LMO7: variants seen among roughly 807,000 people sequenced by gnomAD.
LMO7 encodes LIM domain only protein 7.
Under a neutral mutation model 206.5 loss-of-function variants are expected in LMO7, and 120 were observed. The ratio of observed to expected loss-of-function variants is 0.58; its 90% CI spans 0.50 to 0.68. LMO7 has a LOEUF of 0.68. Ranked by LOEUF, LMO7 falls within the 30% of genes least tolerant of loss-of-function variation. The pLI, the probability that LMO7 is intolerant of heterozygous loss-of-function variation, is 0.00. For synonymous variants in LMO7, 706 were observed against 681.5 expected (o/e 1.04, Z -0.56); for missense variants, 1,959 against 1,957.9 (o/e 1.00, Z -0.01).
chr13:75,703,351 C>G (rs1328076554), intron 1 of LMO7, among the ~76,000 whole-genome samples: 1 of 152,080 alleles, frequency 6.6e-6, no homozygotes, highest in East Asian at 1.9e-4. Context: ...GCAGTGTAGA[C>G]TGGAATGACT....
intron 3 of LMO7, among the ~76,000 whole-genome samples, chr13:75,751,218 C>T (rs1446144155): frequency 2.4e-5 from 3 of 126,848 alleles, no homozygotes; most frequent in Non-Finnish European, 3.1e-5. Flanking sequence ...TGGAGTTCAG[C>T]GGCGTGATCT....
upstream of LMO7, chr13:75,632,258 T>A (rs76171199): frequency 3.3e-5 from 5 of 152,342 alleles, no homozygotes; most frequent in East Asian, 9.6e-4. Flanking sequence ...CAAAGAATTA[T>A]ATTTGGGTCT....
Position 75,819,686 on chromosome 13 carries a change from G to A in LMO7, c.2207+151G>A, listed in dbSNP as rs79866834. On this transcript the variant is annotated intron_variant, in intron 13 of 30. Coordinates refer to ENST00000377534, the MANE Select transcript of LMO7 (RefSeq NM_001306080.2). ...AGAAACGTTTAAGATTTTGGTCTGC[G>A]GTGAAAAAACAAAGCATTGTTGAAA... 2.6e-3 allele frequency: 1,958 copies of A among 756,692 alleles called. 47 individuals carry two copies. The East Asian group carries it at 0.053, about 21-fold the overall frequency. 46.9% of individuals were successfully genotyped at this position (756,692 alleles called of 1,614,324 possible). A position where few individuals can be genotyped will look rare whatever the true frequency, so the allele number is the denominator to read the frequency against.
intron 15 of LMO7, among the ~76,000 whole-genome samples, chr13:75,828,446 C>T (rs946509920): frequency 6.6e-6 from 1 of 152,154 alleles, no homozygotes; most frequent in Non-Finnish European, 1.5e-5. Context: ...CACATGTTGA[C>T]TTATTTGGAC....
At chr13:75,664,362 T>A (rs1209094030) in intron 1 of LMO7, among the ~76,000 whole-genome samples, 2 of 152,232 alleles carry the variant, frequency 1.3e-5, no homozygotes, top group African/African-American at 4.8e-5. Flanking sequence ...TGACAGTGTC[T>A]TGTTCTTTTT....
intron 3 of LMO7, among the ~76,000 whole-genome samples, chr13:75,728,784 T>C (rs1176306419): frequency 7.3e-6 from 1 of 137,742 alleles, no homozygotes; most frequent in Non-Finnish European, 1.5e-5. Context: ...CTTTAATCCA[T>C]CTTGAATTAA....
At chr13:75,698,308 A>T (rs939141192) in intron 1 of LMO7, among the ~76,000 whole-genome samples, 4 of 151,708 alleles carry the variant, frequency 2.6e-5, no homozygotes, top group Admixed American at 6.6e-5. Flanking sequence ...TAATATACTT[A>T]TATATTTTTA....
At chr13:75,634,378 C>A (rs1402377016), upstream of LMO7, among the ~76,000 whole-genome samples, 2 of 151,002 alleles carry the variant, frequency 1.3e-5, no homozygotes, top group African/African-American at 4.9e-5. Context: ...TTCAAGGTCA[C>A]GGGGAGCTAT....
chr13:75,750,379 T>G (rs1038002096), intron 3 of LMO7, among the ~76,000 whole-genome samples: 1 of 7,756 alleles, frequency 1.3e-4, no homozygotes, highest in East Asian at 1.3e-3. Context: ...GGGGGATCCT[T>G]TTTTTTTTTT....
intron 1 of LMO7, among the ~76,000 whole-genome samples, chr13:75,676,306 A>G (rs781490816): frequency 6.6e-6 from 1 of 152,200 alleles, no homozygotes; most frequent in African/African-American, 2.4e-5. Context: ...ATTAACAGTA[A>G]CTGTTCTACT....
intron 1 of LMO7, among the ~76,000 whole-genome samples, chr13:75,651,911 A>G (rs1453794963): frequency 6.6e-6 from 1 of 152,088 alleles, no homozygotes; most frequent in Non-Finnish European, 1.5e-5. Flanking sequence ...ATTTCTACTT[A>G]CTTGTCATTG....
At chr13:75,631,974 T>A (rs1197817305), upstream of LMO7, 1 of 152,220 alleles carries the variant, frequency 6.6e-6, no homozygotes, top group Non-Finnish European at 1.5e-5. Context: ...AAAAACTTTT[T>A]ATATTTATTG....
chr13:75,677,082 T>G (rs2040077268), intron 1 of LMO7, among the ~76,000 whole-genome samples: 1 of 152,200 alleles, frequency 6.6e-6, no homozygotes, highest in South Asian at 2.1e-4. Flanking sequence ...CCCTAGGATT[T>G]ATTCTTCACA....
chr13:75,734,065 T>C (rs1344734376), intron 3 of LMO7, among the ~76,000 whole-genome samples: 1 of 152,246 alleles, frequency 6.6e-6, no homozygotes, highest in Non-Finnish European at 1.5e-5. Flanking sequence ...TGTTACTTTA[T>C]GTAATAGGTT....
At chr13:75,651,352 C>T (rs1048130478) in intron 1 of LMO7, among the ~76,000 whole-genome samples, 6 of 149,776 alleles carry the variant, frequency 4.0e-5, no homozygotes, top group East Asian at 2.0e-4. Context: ...CTTTGTCACC[C>T]AGACTGGAGT....
chr13:75,654,777 C>T (rs1008478427), intron 1 of LMO7, among the ~76,000 whole-genome samples: 5 of 152,036 alleles, frequency 3.3e-5, no homozygotes, highest in African/African-American at 1.2e-4. Flanking sequence ...CATCTTCTAT[C>T]TCAAAATCTC....
At chr13:75,794,352 A>G (rs2053689859) in intron 4 of LMO7, among the ~76,000 whole-genome samples, 1 of 152,146 alleles carries the variant, frequency 6.6e-6, no homozygotes. Context: ...TGCTCTTCTT[A>G]GGTTCATTTC....
chr13:75,781,096 C>CTTTTTTTTTTTTTTTTTTTTTTTGT (rs2051306931), intron 4 of LMO7, among the ~76,000 whole-genome samples: 1 of 41,924 alleles, frequency 2.4e-5, no homozygotes, highest in African/African-American at 1.1e-4. Flanking sequence ...CTCTATTTTC[C>CTTTTTTTTTTTTTTTTTTTTTTTGT]TTTTTTTTTT....
chr13:75,680,922 G>A (rs934646060), intron 1 of LMO7, among the ~76,000 whole-genome samples: 2 of 152,088 alleles, frequency 1.3e-5, no homozygotes, highest in Non-Finnish European at 2.9e-5. Flanking sequence ...TCATCAGTGA[G>A]TTGAGCTTTT....
Sources: gnomAD v4.1 joint callset for allele counts (sites outside exome capture counted in the v4.1 genomes callset) on GRCh38, gnomAD v4.1.1 for gene constraint, MANE v1.5 for transcripts, NCBI Gene and HGNC (gene_info 2026-07-23, HGNC 2026-07-21) for gene names.